VPS13B: variants seen among roughly 807,000 people sequenced by gnomAD.
VPS13B encodes vacuolar protein sorting 13 homolog B.
Under a neutral mutation model 426.4 loss-of-function variants are expected in VPS13B, and 285 were observed. The ratio of observed to expected loss-of-function variants is 0.67; its 90% CI spans 0.61 to 0.74. VPS13B has a LOEUF of 0.74. VPS13B is among the 30% of genes least tolerant of loss of function. The pLI is 0.00. For missense variants in VPS13B, 4,537 were observed against 4,782.6 expected (o/e 0.95, Z 1.51); for synonymous variants, 1,676 against 1,676.4 (o/e 1.00, Z 0.01).
At chr8:99,778,629 A>T in intron 41 of VPS13B, 53 bp from the exon 42 acceptor site, 3 of 1,516,460 alleles carry the variant, frequency 2.0e-6, no homozygotes. Context: ...CTTTATTTTC[A>T]CAAAATATTG....
At chr8:99,028,900 A>T (rs1842327781) in intron 2 of VPS13B, among the ~76,000 whole-genome samples, 1 of 73,508 alleles carries the variant, frequency 1.4e-5, no homozygotes, top group Non-Finnish European at 2.6e-5. Context: ...TCCCTCCCGG[A>T]CGGGGTGGCT....
chr8:99,702,259 G>C (rs1832314639), intron 36 of VPS13B, among the ~76,000 whole-genome samples: 1 of 152,030 alleles, frequency 6.6e-6, no homozygotes, highest in Admixed American at 6.5e-5. Flanking sequence ...ATATCTTTGA[G>C]CTCAATGGAG....
intron 33 of VPS13B, among the ~76,000 whole-genome samples, chr8:99,632,030 G>A (rs57636892): frequency 0.19 from 28,347 of 151,706 alleles, 3,225 homozygotes; most frequent in East Asian, 0.45. Context: ...TATTATCTTA[G>A]TGTAAGAAAA....
intron 33 of VPS13B, among the ~76,000 whole-genome samples, chr8:99,614,971 G>T (rs1364984787): frequency 6.6e-6 from 1 of 151,908 alleles, no homozygotes; most frequent in Non-Finnish European, 1.5e-5. Context: ...TACACAATTA[G>T]CCAGGCGTGG....
chr8:99,818,359 T>A, intron 45 of VPS13B, 92 bp from the exon 46 acceptor site: 1 of 1,307,856 alleles, frequency 7.6e-7, no homozygotes, highest in Non-Finnish European at 1.1e-6. Context: ...TAAACTCTTT[T>A]TAATCTTCCA....
chr8:99,049,085 GATGGTTGGTGAATTCT>G (rs1395085447), intron 3 of VPS13B, among the ~76,000 whole-genome samples: 1 of 152,274 alleles, frequency 6.6e-6, no homozygotes, highest in East Asian at 1.9e-4. Flanking sequence ...GAAGGCAGCT[GATGGTTGGTGAATTCT>G]ATCCATTCTG....
intron 2 of VPS13B, among the ~76,000 whole-genome samples, chr8:99,021,647 CAA>C (rs1417145733): frequency 2.0e-5 from 3 of 151,270 alleles, no homozygotes; most frequent in South Asian, 2.1e-4. Flanking sequence ...CACAAAAAAA[CAA>C]AGTCTCACTC....
At chr8:99,696,288 C>A in intron 35 of VPS13B, 1 of 224,282 alleles carries the variant, frequency 4.5e-6, no homozygotes, top group South Asian at 6.8e-5. Flanking sequence ...GTGTACACCC[C>A]CACCCCACAG....
Position 99,447,283 on chromosome 8 carries a change from A to G in VPS13B, c.3445+4648A>G, listed in dbSNP as rs1051442772. Among the ~76,000 whole-genome samples the G allele has an allele frequency of 4.6e-5, 7 of 152,210 alleles. No homozygotes were observed. In the South Asian group the frequency reaches 8.3e-4, roughly 18 times the overall value. ...AAGGTTTTTATGCCACTTAGATAAT[A>G]AAAATTTAAGCTACAGCCTTGTGGT... On this transcript the variant is annotated intron_variant, in intron 23 of 61. Coordinates refer to ENST00000357162, the MANE Select transcript of VPS13B (RefSeq NM_152564.5).
intron 24 of VPS13B, among the ~76,000 whole-genome samples, chr8:99,468,016 T>G (rs558809175): frequency 1.8e-4 from 27 of 152,348 alleles, no homozygotes; most frequent in African/African-American, 6.3e-4. Flanking sequence ...TTTTTATTAT[T>G]ATACTTTAAC....
intron 50 of VPS13B, among the ~76,000 whole-genome samples, chr8:99,823,374 G>T (rs760427071): frequency 6.6e-6 from 1 of 152,086 alleles, no homozygotes; most frequent in Non-Finnish European, 1.5e-5. Flanking sequence ...CTTCATTGTC[G>T]TCATTACTGA....
intron 17 of VPS13B, among the ~76,000 whole-genome samples, chr8:99,242,098 A>T (rs1167283284): frequency 2.0e-5 from 3 of 152,010 alleles, no homozygotes; most frequent in Non-Finnish European, 2.9e-5. Flanking sequence ...CGCCTGCCTC[A>T]GCCTCCCAAG....
chr8:99,422,033 A>C (rs904555336), intron 21 of VPS13B, among the ~76,000 whole-genome samples: 5 of 152,148 alleles, frequency 3.3e-5, no homozygotes, highest in African/African-American at 1.2e-4. Context: ...GGCTTGTAGT[A>C]GGTGCTATAG....
intron 39 of VPS13B, among the ~76,000 whole-genome samples, chr8:99,743,899 C>G (rs1436001707): frequency 6.0e-5 from 9 of 150,896 alleles, no homozygotes; most frequent in South Asian, 2.1e-4. Flanking sequence ...CAATACCATT[C>G]AGGACATAGG....
intron 33 of VPS13B, among the ~76,000 whole-genome samples, chr8:99,584,064 A>T (rs865938550): frequency 4.3e-4 from 66 of 151,978 alleles, no homozygotes; most frequent in African/African-American, 1.5e-3. Context: ...ATAAACACAG[A>T]CTCCAGTAAA....
At chr8:99,747,654 C>G (rs1265826010) in intron 39 of VPS13B, among the ~76,000 whole-genome samples, 3 of 151,842 alleles carry the variant, frequency 2.0e-5, no homozygotes, top group Non-Finnish European at 4.4e-5. Context: ...ACTTTTTAAC[C>G]CAAAAAGTAA....
intron 33 of VPS13B, among the ~76,000 whole-genome samples, chr8:99,583,566 T>C (rs187174300): frequency 2.9e-4 from 44 of 152,308 alleles, no homozygotes; most frequent in Middle Eastern, 3.4e-3. Context: ...GTTTTGTAGT[T>C]GTGCTTCATT....
intron 23 of VPS13B, among the ~76,000 whole-genome samples, chr8:99,457,366 A>T (rs1321122474): frequency 1.3e-5 from 2 of 152,090 alleles, no homozygotes; most frequent in African/African-American, 4.8e-5. Context: ...TTATGTATTC[A>T]TCTTGAGTTA....
chr8:99,420,118 A>G (rs1237558187), intron 21 of VPS13B, among the ~76,000 whole-genome samples: 1 of 152,220 alleles, frequency 6.6e-6, no homozygotes, highest in East Asian at 1.9e-4. Context: ...TTAGCAGATG[A>G]TGAAAACCTA....
Sources: gnomAD v4.1 joint callset for allele counts (sites outside exome capture counted in the v4.1 genomes callset) on GRCh38, gnomAD v4.1.1 for gene constraint, MANE v1.5 for transcripts, NCBI Gene and HGNC (gene_info 2026-07-23, HGNC 2026-07-21) for gene names.